The following DYNC2I2 variants were observed in gnomAD, a reference collection of about 807,000 sequenced individuals.
The protein encoded by DYNC2I2 is cytoplasmic dynein 2 intermediate chain 2.
A neutral mutation model predicts 52.0 loss-of-function variants in DYNC2I2; 39 were observed. The observed-to-expected ratio is 0.75, with a 90% confidence interval of 0.58 to 0.98. The LOEUF (loss-of-function observed/expected upper bound fraction) is 0.98. DYNC2I2 is among the 50% of genes least tolerant of loss of function. The probability of loss-of-function intolerance (pLI) is 0.00; values close to 1 mark genes in which losing one functional copy is unlikely to be tolerated. For missense variants in DYNC2I2, 743 were observed against 728.4 expected (o/e 1.02, Z -0.23); for synonymous variants, 359 against 321.1 (o/e 1.12, Z -1.26).
the DYNC2I2 span, among the ~76,000 whole-genome samples, chr9:128,670,923 C>T: frequency 3.3e-5 from 5 of 151,006 alleles, no homozygotes; most frequent in African/African-American, 4.9e-5. Context: ...CAAAATCAGC[C>T]AGGCGTGGTG....
At chr9:128,681,932 G>A in the DYNC2I2 span, among the ~76,000 whole-genome samples, 3 of 152,182 alleles carry the variant, frequency 2.0e-5, no homozygotes, top group African/African-American at 4.8e-5. Flanking sequence ...AATTAGTCAC[G>A]CCTAGTGGCG....
At chr9:128,648,508 A>T (rs923162805) in intron 1 of DYNC2I2, among the ~76,000 whole-genome samples, 1 of 150,524 alleles carries the variant, frequency 6.6e-6, no homozygotes, top group Middle Eastern at 3.3e-3. Context: ...GGGCAGGGCC[A>T]GGCATGGTGG....
intron 1 of DYNC2I2, among the ~76,000 whole-genome samples, chr9:128,647,413 G>C (rs1027792569): frequency 6.6e-6 from 1 of 152,108 alleles, no homozygotes; most frequent in African/African-American, 2.4e-5. Context: ...AAGGACGCTA[G>C]GCCCAGAGCC....
chr9:128,681,330 A>G, the DYNC2I2 span, among the ~76,000 whole-genome samples: 1 of 152,020 alleles, frequency 6.6e-6, no homozygotes, highest in Non-Finnish European at 1.5e-5. Flanking sequence ...ACCTCAGGTG[A>G]TCCACCTGCC....
intron 1 of DYNC2I2, among the ~76,000 whole-genome samples, chr9:128,647,338 GAGA>G (rs1165883864): frequency 6.6e-6 from 1 of 152,168 alleles, no homozygotes; most frequent in African/African-American, 2.4e-5. Flanking sequence ...GGGGAAGTCA[GAGA>G]AAGAAATGGG....
chr9:128,668,266 A>T, the DYNC2I2 span, among the ~76,000 whole-genome samples: 4 of 132,120 alleles, frequency 3.0e-5, no homozygotes, highest in African/African-American at 1.1e-4. Context: ...GCCAGTCTCG[A>T]TCTCTTGACC....
intron 1 of DYNC2I2, among the ~76,000 whole-genome samples, chr9:128,644,271 C>T (rs7045778): frequency 0.71 from 94,534 of 133,222 alleles, 34,963 homozygotes; most frequent in Non-Finnish European, 0.84. Flanking sequence ...TGAACCCAGG[C>T]GGCCTTTTTT....
the DYNC2I2 span, among the ~76,000 whole-genome samples, chr9:128,678,106 G>A: frequency 3.5e-5 from 5 of 144,500 alleles, no homozygotes; most frequent in South Asian, 4.3e-4. Context: ...TTTCGCTTTC[G>A]TTGCCCAGGC....
Position 128,636,281 on chromosome 9 carries a change from CTGCGACGTGGGAG to C in DYNC2I2, c.690_702del (p.Ser231GlufsTer13), listed in dbSNP as rs1564339603. 1 of 1,564,532 alleles carries C rather than the reference CTGCGACGTGGGAG, an allele frequency of 6.4e-7. No homozygotes were observed. The highest frequency in any genetic ancestry group is 1.4e-5 in the African/African-American group (1 of 73,964). ...GAGGCGGACACAGCAGGCAGCTCAC[CTGCGACGTGGGAG>C]GGCTGCGTGGGGTGGAAGGCCAGAC... On this transcript the variant is annotated frameshift_variant and splice_region_variant, in exon 4 of 9. Coordinates refer to ENST00000372715, the MANE Select transcript of DYNC2I2 (RefSeq NM_052844.4). LOFTEE classifies it high-confidence loss of function.
Position 128,636,907 on chromosome 9 carries a change from C to T in DYNC2I2, c.545+11G>A, listed in dbSNP as rs1202360915. The T allele has an allele frequency of 6.2e-7, 1 of 1,607,392 alleles. No homozygotes were observed. On this transcript the variant is annotated intron_variant, in intron 3 of 8. Coordinates refer to ENST00000372715, the MANE Select transcript of DYNC2I2 (RefSeq NM_052844.4). ...GGCGAGCTGCCCCTCACCTGCCCCG[C>T]TGCCACTCACCGGCCGTAGGCACAG...
At chr9:128,645,144 A>G (rs549430079) in intron 1 of DYNC2I2, among the ~76,000 whole-genome samples, 1 of 151,494 alleles carries the variant, frequency 6.6e-6, no homozygotes, top group African/African-American at 2.4e-5. Context: ...TGAGCTCAGG[A>G]GTTCAAGACC....
chr9:128,637,468 A>T (rs1426884573), intron 2 of DYNC2I2, among the ~76,000 whole-genome samples: 1 of 152,130 alleles, frequency 6.6e-6, no homozygotes, highest in Non-Finnish European at 1.5e-5. Context: ...TTTGAGACAG[A>T]GTCTCACTCT....
chr9:128,643,081 T>A (rs570905316), intron 1 of DYNC2I2, among the ~76,000 whole-genome samples: 13 of 151,892 alleles, frequency 8.6e-5, no homozygotes, highest in African/African-American at 3.1e-4. Context: ...TGGGCCAGAA[T>A]AAAATGTCGT....
Position 128,633,803 on chromosome 9 carries a change from C to G in DYNC2I2, c.1552G>C (p.Glu518Gln). Residue 518 changes from glutamate to glutamine, a missense_variant, in exon 9 of 9, where the codon GAA becomes CAA. Physicochemically the swap from Glu to Gln is conservative, Grantham distance 29. Transcript: ENST00000372715. ...TCCTCAGCTTCCCGGGGCCCTTGTT[C>G]CGTGAACTCTGTGCTCAGCTGCCAC... ...KVWQLSTEFT[E>Q]QGPREAEDLD... The G allele has an allele frequency of 6.2e-7, 1 of 1,613,628 alleles. No individual in the cohort carries two copies.
At chr9:128,679,328 A>G in the DYNC2I2 span, among the ~76,000 whole-genome samples, 7 of 152,186 alleles carry the variant, frequency 4.6e-5, no homozygotes, top group African/African-American at 1.7e-4. Context: ...CAGCAGCTCA[A>G]AAAGAAGAAA....
chr9:128,646,090 G>A (rs1004154098), intron 1 of DYNC2I2, among the ~76,000 whole-genome samples: 1 of 152,230 alleles, frequency 6.6e-6, no homozygotes, highest in African/African-American at 2.4e-5. Context: ...TCTCCATAAT[G>A]TACAAATACA....
At chr9:128,652,623 C>CAA (rs71381784) in intron 1 of DYNC2I2, among the ~76,000 whole-genome samples, 7,534 of 140,318 alleles carry the variant, frequency 0.054, 294 homozygotes, top group East Asian at 0.12. Context: ...AATTCCGTCT[C>CAA]AAAAAAAAAA....
chr9:128,669,712 T>A, the DYNC2I2 span, among the ~76,000 whole-genome samples: 1 of 152,128 alleles, frequency 6.6e-6, no homozygotes, highest in South Asian at 2.1e-4. Context: ...GGAGTCTCGC[T>A]CTGTTGCCTA....
intron 1 of DYNC2I2, among the ~76,000 whole-genome samples, chr9:128,645,663 C>T (rs1178759217): frequency 6.8e-6 from 1 of 147,262 alleles, no homozygotes; most frequent in Non-Finnish European, 1.5e-5. Flanking sequence ...ATTAATATCC[C>T]TACAGGGGCC....
Sources: allele counts gnomAD v4.1 joint callset (sites outside exome capture counted in the v4.1 genomes callset), GRCh38; gene constraint gnomAD v4.1.1; transcripts MANE v1.5; gene names NCBI Gene and HGNC (gene_info 2026-07-23, HGNC 2026-07-21).